USP24: variants seen among roughly 807,000 people sequenced by gnomAD.
The protein encoded by USP24 is ubiquitin carboxyl-terminal hydrolase 24.
USP24 carries 97 observed loss-of-function variants against 361.6 expected under a neutral mutation model. That is an observed-to-expected ratio of 0.27 (90% confidence interval 0.23 to 0.32). The LOEUF (loss-of-function observed/expected upper bound fraction) is 0.32. USP24 is among the 10% of genes least tolerant of loss of function. USP24 has a pLI of 1.00. For missense variants in USP24, 2,353 were observed against 3,165.6 expected (o/e 0.74, Z 6.16); for synonymous variants, 1,098 against 1,124.6 (o/e 0.98, Z 0.47).
At chr1:55,072,052 C>A in intron 66 of USP24, 128 bp from the exon 67 acceptor site, 1 of 849,398 alleles carries the variant, frequency 1.2e-6, no homozygotes, top group South Asian at 1.5e-5. Context: ...GCCTTCATCA[C>A]AGTCACCAGA....
chr1:55,168,129 G>A (rs879799666), intron 5 of USP24, among the ~76,000 whole-genome samples: 24 of 152,168 alleles, frequency 1.6e-4, no homozygotes, highest in Non-Finnish European at 1.6e-4. Context: ...GAAACACAAG[G>A]CACTGCAGTA....
chr1:55,103,846 A>C lies in USP24; in HGVS notation c.5025+30T>G, dbSNP rs752080162. On this transcript the variant is annotated intron_variant, in intron 42 of 67. Transcript: ENST00000294383. ...ATGTTTCAGAGATCATTCTAAAAAA[A>C]TTAAGTTCATCAACGTCTAGAAAAC... 7 of 1,591,996 alleles carry C rather than the reference A, an allele frequency of 4.4e-6. No homozygotes were observed. The South Asian group carries it at 5.7e-5, about 13-fold the overall frequency.
At chr1:55,141,765 G>T in intron 23 of USP24, 34 bp from the exon 24 acceptor site, 1 of 1,553,948 alleles carries the variant, frequency 6.4e-7, no homozygotes, top group East Asian at 2.4e-5. Context: ...CTCTATCAGG[G>T]TTTCTCAACC....
chr1:55,171,604 A>C lies in USP24; in HGVS notation c.777T>G (p.Phe259Leu). Residue 259 changes from phenylalanine to leucine, a missense_variant, in exon 5 of 68, where the codon TTT becomes TTG. Around this residue, in one of 8 missense-constraint regions of USP24, gnomAD observed 386 missense variants for 560.5 expected, o/e 0.69. Coordinates refer to ENST00000294383, the MANE Select transcript of USP24 (RefSeq NM_015306.3). ...KVSQRNWAEV[F>L]GEGNMFAVSP... is the part of the protein sequence containing the mutation. ...AAACAGCAAACATATTTCCCTCTCCAAACACTTCTGCCCAATTCCTTTGAG... is the reference window on the plus strand; with the variant it reads ...AAACAGCAAACATATTTCCCTCTCCCAACACTTCTGCCCAATTCCTTTGAG... 1 of 1,611,342 alleles carries C rather than the reference A, an allele frequency of 6.2e-7. No homozygotes were observed. Among genetic ancestry groups the C allele is most frequent in the Non-Finnish European group, 8.5e-7 (1 of 1,178,628 alleles).
intron 63 of USP24, among the ~76,000 whole-genome samples, chr1:55,074,643 TAAATAAA>T (rs1465030182): frequency 3.7e-5 from 5 of 134,852 alleles, no homozygotes; most frequent in African/African-American, 8.1e-5. Flanking sequence ...CAAAAATAAA[TAAATAAA>T]TAAATAAATA....
In USP24 at chr1:55,125,440, T is replaced by A. The variant is rs374287367; in HGVS notation, c.3840A>T (p.Thr1280=). The change falls in exon 34 of 68, where the codon ACA becomes ACT. Residue 1280 remains threonine, a synonymous_variant. Transcript: ENST00000294383. ...SRPFRNVSRQ[T]SRQMSLCGTP... is the part of the protein sequence containing the mutation. ...TACCACATAAGGACATCTGTCTGCT[T>A]GTCTGCCGGCTGACATTTCGGAATG... The A allele has an allele frequency of 6.2e-7, 1 of 1,613,992 alleles. No individual in the cohort carries two copies. The highest frequency in any genetic ancestry group is 8.5e-7 in the Non-Finnish European group (1 of 1,179,882).
At chr1:55,159,806 ATC>A (rs1648082652) in intron 8 of USP24, 121 bp from the exon 9 acceptor site, 2 of 877,622 alleles carry the variant, frequency 2.3e-6, no homozygotes, top group Non-Finnish European at 3.5e-6. Context: ...AAATTTTCAT[ATC>A]AGAGCAGCTA....
chr1:55,183,991 T>TG (rs1345253953), intron 1 of USP24, among the ~76,000 whole-genome samples: 11 of 151,974 alleles, frequency 7.2e-5, no homozygotes, highest in East Asian at 3.9e-4. Context: ...ACAATAACAT[T>TG]GGGGGGGAAA....
intron 16 of USP24, among the ~76,000 whole-genome samples, chr1:55,153,665 A>T (rs1647328141): frequency 6.6e-6 from 1 of 152,126 alleles, no homozygotes; most frequent in African/African-American, 2.4e-5. Flanking sequence ...TTTGAATGTG[A>T]TCCTAGATTT....
chr1:55,134,139 A>G lies in USP24; in HGVS notation c.3312T>C (p.Leu1104=). ...CTGGATCAGTGGGTATCAAGAGCAG[A>G]AGCTTCCGTACTCGTAGAGTTATCC... The part of the protein sequence containing the change: ...EPRITLRVRK[L]LLLIPTDPAI... Residue 1104 remains leucine (L), a synonymous_variant, in exon 30 of 68, where the codon CTT becomes CTC. Coordinates refer to ENST00000294383, the MANE Select transcript of USP24 (RefSeq NM_015306.3). 1.2e-6 allele frequency: 2 copies of G among 1,613,786 alleles called. No homozygotes were observed. Among genetic ancestry groups the G allele is most frequent in the Non-Finnish European group, 1.7e-6 (2 of 1,179,798 alleles).
chr1:55,112,297 A>G lies in USP24; in HGVS notation c.4509-2051T>C, dbSNP rs1645977247. On this transcript the variant is annotated intron_variant, in intron 38 of 67. Coordinates refer to ENST00000294383, the MANE Select transcript of USP24 (RefSeq NM_015306.3). ...CTTCAGTTCTGCTCTGATCTTAGTT[A>G]TTTTTTGCCTTCTGCTAGCTTTTGA... Among the ~76,000 whole-genome samples, 5 of 151,978 alleles carry G rather than the reference A, an allele frequency of 3.3e-5. No homozygotes were observed. In the South Asian group the frequency reaches 8.3e-4, roughly 25 times the overall value.
chr1:55,078,533 C>A lies in USP24; in HGVS notation c.7314+5G>T, dbSNP rs763905509. 1 of 1,606,456 alleles carries A rather than the reference C, an allele frequency of 6.2e-7. No homozygotes were observed. The highest frequency in any genetic ancestry group is 1.7e-5 in the Admixed American group (1 of 58,974). On this transcript the variant is annotated splice_donor_5th_base_variant and intron_variant, in intron 61 of 67. Transcript: ENST00000294383. ...TGGCTATCACTCGTTTAACTGAGGT[C>A]TTACCTTAATGAAATGCAGCATTGT...
intron 30 of USP24, among the ~76,000 whole-genome samples, 163 bp from the exon 31 acceptor site, chr1:55,132,863 T>C (rs1399818378): frequency 6.6e-6 from 1 of 152,220 alleles, no homozygotes; most frequent in African/African-American, 2.4e-5. Flanking sequence ...TCCGTAACTA[T>C]TAAAACATCA....
At chr1:55,169,954 C>A (rs1262347104) in intron 5 of USP24, among the ~76,000 whole-genome samples, 1 of 151,980 alleles carries the variant, frequency 6.6e-6, no homozygotes. Context: ...TTATGTACTG[C>A]TCAAGGAGGA....
intron 16 of USP24, among the ~76,000 whole-genome samples, chr1:55,149,267 T>C (rs1452979914): frequency 2.0e-5 from 3 of 152,216 alleles, no homozygotes; most frequent in African/African-American, 4.8e-5. Context: ...AACTACTTTT[T>C]AATAAATAGC....
At chr1:55,125,635 G>T in intron 33 of USP24, 28 bp downstream of exon 33, 1 of 1,579,208 alleles carries the variant, frequency 6.3e-7, no homozygotes, top group Non-Finnish European at 8.6e-7. Context: ...GTATTGCCTG[G>T]TAAGACTAAT....
At chr1:55,175,061 T>C (rs1263679591) in intron 3 of USP24, among the ~76,000 whole-genome samples, 1 of 152,040 alleles carries the variant, frequency 6.6e-6, no homozygotes, top group Non-Finnish European at 1.5e-5. Context: ...AAATGACAAT[T>C]TGAAAAGATT....
At chr1:55,208,299 C>G (rs1644761723) in intron 1 of USP24, among the ~76,000 whole-genome samples, 2 of 152,172 alleles carry the variant, frequency 1.3e-5, no homozygotes, top group South Asian at 4.1e-4. Context: ...TTATAAAATA[C>G]TTTGCCAAAA....
At chr1:55,073,038 C>T (rs764851305) in intron 64 of USP24, 177 bp from the exon 65 acceptor site, 214 of 609,958 alleles carry the variant, frequency 3.5e-4, no homozygotes, top group Non-Finnish European at 5.2e-4. Flanking sequence ...CAATTGCTTC[C>T]CCCAGGGGCT....
Sources: allele counts gnomAD v4.1 joint callset (sites outside exome capture counted in the v4.1 genomes callset), GRCh38; gene constraint gnomAD v4.1.1; regional missense constraint gnomAD v4.1.1; transcripts MANE v1.5; gene names NCBI Gene and HGNC (gene_info 2026-07-23, HGNC 2026-07-21).